Variants in CPQ observed in about 807,000 individuals in gnomAD.
The protein encoded by CPQ is carboxypeptidase Q, also known as Ser-Met dipeptidase.
Under a neutral mutation model 45.7 loss-of-function variants are expected in CPQ, and 37 were observed. That is an observed-to-expected ratio of 0.81 (90% CI 0.62 to 1.07). The LOEUF (loss-of-function observed/expected upper bound fraction) is 1.07, where lower values mean the gene tolerates loss of function less well. Ranked by LOEUF, CPQ falls within the 50% of genes least tolerant of loss-of-function variation. The pLI is 0.00. For missense variants in CPQ, 537 were observed against 572.9 expected, an observed-to-expected ratio of 0.94 and a Z score of 0.64; for synonymous variants, 186 against 205.8, an observed-to-expected ratio of 0.90 and a Z score of 0.82.
intron 6 of CPQ, among the ~76,000 whole-genome samples, chr8:97,040,665 G>A (rs1293781778): frequency 1.3e-5 from 2 of 152,170 alleles, no homozygotes; most frequent in Non-Finnish European, 2.9e-5. Flanking sequence ...TTTGTATAAG[G>A]TGTAAGGAAA....
rs571890774 is a variant in CPQ, at chr8:96,730,686, C to A, written c.-34-54178C>A. ...GCAGGGGTTCTGAAACTTGAACTGG[C>A]ACATTGGCATCACCTGGGAACTCTA... is the stretch of plus-strand genomic sequence containing the variant. On this transcript the variant is annotated intron_variant, in intron 1 of 7. Transcript: ENST00000220763. Among the ~76,000 whole-genome samples the A allele has an allele frequency of 4.0e-5, 6 of 151,706 alleles. No individual in the cohort carries two copies. The East Asian group carries it at 1.2e-3, about 29-fold the overall frequency.
Position 96,904,535 on chromosome 8 carries a change from C to T in CPQ, c.849+24530C>T, listed in dbSNP as rs547916791. 9.9e-5 allele frequency among the ~76,000 whole-genome samples: 15 copies of T among 152,264 alleles called. No homozygotes were observed. In the East Asian group the frequency reaches 1.2e-3, roughly 12 times the overall value. The stretch of plus-strand genomic sequence containing the variant: ...TTTGATCTGTCACCTGGTCCTCTGA[C>T]GACTCAGTTCATTCACCTGCAAAAT... On this transcript the variant is annotated intron_variant, in intron 4 of 7. Coordinates refer to ENST00000220763, the MANE Select transcript of CPQ (RefSeq NM_016134.4).
chr8:96,690,369 A>G (rs924906495), intron 1 of CPQ, among the ~76,000 whole-genome samples: 7 of 152,152 alleles, frequency 4.6e-5, no homozygotes, highest in Non-Finnish European at 8.8e-5. Context: ...AATTGTCCTT[A>G]TGATTTAATG....
At chr8:96,885,941 A>G (rs1352558959) in intron 4 of CPQ, among the ~76,000 whole-genome samples, 1 of 151,868 alleles carries the variant, frequency 6.6e-6, no homozygotes, top group Non-Finnish European at 1.5e-5. Context: ...GCACCACTGC[A>G]CTCCAGCCTG....
At chr8:97,096,054 G>GGATGAT (rs59275267) in intron 7 of CPQ, among the ~76,000 whole-genome samples, 95 of 151,514 alleles carry the variant, frequency 6.3e-4, no homozygotes, top group South Asian at 1.7e-3. Context: ...GTTGTGGTGG[G>GGATGAT]GATGATGATG....
rs138373133 is a variant in CPQ, at chr8:97,099,737, A to G, written c.1255+33527A>G. Among the ~76,000 whole-genome samples, 560 of 152,282 alleles carry G rather than the reference A, an allele frequency of 3.7e-3. 1 individual carries two copies. Among genetic ancestry groups the G allele is most frequent in the African/African-American group, 0.012 (513 of 41,564 alleles). Reference sequence around the variant, plus strand: ...CCAAGTGTGCTGGGACTTTCTGGTCATGTCTCTGCGAAATGGATATTTTGG... The same window carrying G: ...CCAAGTGTGCTGGGACTTTCTGGTCGTGTCTCTGCGAAATGGATATTTTGG... On this transcript the variant is annotated intron_variant, in intron 7 of 7. Coordinates refer to ENST00000220763, the MANE Select transcript of CPQ (RefSeq NM_016134.4).
chr8:96,735,687 A>G (rs1014315183), intron 1 of CPQ, among the ~76,000 whole-genome samples: 2 of 152,116 alleles, frequency 1.3e-5, no homozygotes, highest in Non-Finnish European at 2.9e-5. Flanking sequence ...TGCCATAAAA[A>G]TCCACATTGT....
At chr8:97,089,738 G>A (rs1811100528) in intron 7 of CPQ, among the ~76,000 whole-genome samples, 1 of 152,062 alleles carries the variant, frequency 6.6e-6, no homozygotes, top group Non-Finnish European at 1.5e-5. Flanking sequence ...ACCTAGGATG[G>A]GGTAGGGAGT....
intron 7 of CPQ, among the ~76,000 whole-genome samples, chr8:97,076,408 A>G (rs1810847244): frequency 6.6e-6 from 1 of 152,142 alleles, no homozygotes; most frequent in Non-Finnish European, 1.5e-5. Flanking sequence ...CATATCCAAT[A>G]TATGGCCAGT....
intron 4 of CPQ, among the ~76,000 whole-genome samples, chr8:96,904,413 G>T (rs1812550394): frequency 6.6e-6 from 1 of 152,034 alleles, no homozygotes; most frequent in African/African-American, 2.4e-5. Context: ...TTTTGTTTTT[G>T]TTTTTTGTTA....
At chr8:96,908,318 C>T (rs1812607625) in intron 4 of CPQ, among the ~76,000 whole-genome samples, 2 of 152,008 alleles carry the variant, frequency 1.3e-5, no homozygotes, top group South Asian at 4.1e-4. Flanking sequence ...TAATTAGCTG[C>T]CTTGGGATGT....
Position 96,767,635 on chromosome 8 carries a change from C to CTTTTTTTTTTTTTTTTTT in CPQ, c.-34-17220_-34-17203dup, listed in dbSNP as rs1172189500. Among the ~76,000 whole-genome samples, 87 of 39,316 alleles carry CTTTTTTTTTTTTTTTTTT rather than the reference C, an allele frequency of 2.2e-3. 12 individuals are homozygous for CTTTTTTTTTTTTTTTTTT. The highest frequency in any genetic ancestry group is 3.1e-3 in the Non-Finnish European group (71 of 22,876). The allele number at this position is 39,316 out of a possible 152,430, so 25.8% of individuals were successfully genotyped here. A position where few individuals can be genotyped will look rare whatever the true frequency, so the allele number is the denominator to read the frequency against. ...AATCCCTTTCAGCTGGTTACCTATG[C>CTTTTTTTTTTTTTTTTTT]TTTTTTTTTTTTTTTTTTTTTTTTT... On this transcript the variant is annotated intron_variant, in intron 1 of 7. Coordinates refer to ENST00000220763, the MANE Select transcript of CPQ (RefSeq NM_016134.4).
At chr8:97,092,130 A>T (rs1811137124) in intron 7 of CPQ, among the ~76,000 whole-genome samples, 1 of 152,200 alleles carries the variant, frequency 6.6e-6, no homozygotes, top group Non-Finnish European at 1.5e-5. Flanking sequence ...TAATGTTCCA[A>T]TAGGCTTTTC....
chr8:96,996,096 G>A (rs1452772674), intron 5 of CPQ, among the ~76,000 whole-genome samples: 1 of 152,020 alleles, frequency 6.6e-6, no homozygotes, highest in African/African-American at 2.4e-5. Flanking sequence ...GGTGTTAAGT[G>A]TCAAGCACAA....
intron 7 of CPQ, among the ~76,000 whole-genome samples, chr8:97,071,352 A>C (rs1243522154): frequency 6.6e-6 from 1 of 152,172 alleles, no homozygotes; most frequent in Non-Finnish European, 1.5e-5. Flanking sequence ...TAGTAATGAG[A>C]CCTGGTTATT....
chr8:96,693,954 AAAGTT>A (rs1293265529), intron 1 of CPQ, among the ~76,000 whole-genome samples: 10 of 152,326 alleles, frequency 6.6e-5, no homozygotes, highest in Non-Finnish European at 1.3e-4. Context: ...AGAACAATAA[AAAGTT>A]AAGAAGCAGG....
rs546376186 is a variant in CPQ, at chr8:96,693,434, G to T, written c.-35+48032G>T. On this transcript the variant is annotated intron_variant, in intron 1 of 7. Transcript: ENST00000220763. ...GCATTTAATAGTCAATCTCCCAAAG[G>T]TCAAGTATAAAGAAAGGATCCTAAA... Among the ~76,000 whole-genome samples the T allele has an allele frequency of 4.5e-4, 69 of 151,960 alleles. 1 individual carries two copies. The highest frequency in any genetic ancestry group is 1.6e-3 in the African/African-American group (66 of 41,446).
chr8:96,721,244 G>A (rs1246393425), intron 1 of CPQ, among the ~76,000 whole-genome samples: 1 of 151,868 alleles, frequency 6.6e-6, no homozygotes, highest in African/African-American at 2.4e-5. Flanking sequence ...CAGTAAGACT[G>A]CTGTCCTCTG....
chr8:96,818,688 A>C (rs1365947082), intron 2 of CPQ, among the ~76,000 whole-genome samples: 1 of 152,068 alleles, frequency 6.6e-6, no homozygotes, highest in Non-Finnish European at 1.5e-5. Flanking sequence ...CCACAGATAC[A>C]GACATATGTC....
Sources: allele counts gnomAD v4.1 joint callset (sites outside exome capture counted in the v4.1 genomes callset), GRCh38; gene constraint gnomAD v4.1.1; transcripts MANE v1.5; gene names NCBI Gene and HGNC (gene_info 2026-07-23, HGNC 2026-07-21).